ABLIM3: variants seen among roughly 807,000 people sequenced by gnomAD.
ABLIM3 encodes the protein actin-binding LIM protein 3.
In ABLIM3, 61 loss-of-function variants were observed where a neutral mutation model predicts 109.5. The ratio of observed to expected loss-of-function variants is 0.56; its 90% confidence interval spans 0.45 to 0.69. The LOEUF (loss-of-function observed/expected upper bound fraction) is 0.69, where lower values mean the gene tolerates loss of function less well. ABLIM3 is among the 30% of genes least tolerant of loss of function. ABLIM3 has a pLI of 0.00. For synonymous variants in ABLIM3, 300 were observed against 324.8 expected, an observed-to-expected ratio of 0.92 and a Z score of 0.82; for missense variants, 796 against 889.5, an observed-to-expected ratio of 0.89 and a Z score of 1.34.
At chr5:149,187,036 T>A (rs919035026) in intron 3 of ABLIM3, among the ~76,000 whole-genome samples, 10 of 151,986 alleles carry the variant, frequency 6.6e-5, no homozygotes, top group African/African-American at 2.2e-4. Context: ...GTTATACAGA[T>A]AATAGATCAA....
chr5:149,242,107 G>A (rs946543378), intron 14 of ABLIM3, among the ~76,000 whole-genome samples: 2 of 152,102 alleles, frequency 1.3e-5, no homozygotes, highest in Non-Finnish European at 2.9e-5. Flanking sequence ...GCTGAAATTC[G>A]GCTGCAGCAT....
At chr5:149,204,417 G>A (rs1288438112) in intron 5 of ABLIM3, among the ~76,000 whole-genome samples, 1 of 152,146 alleles carries the variant, frequency 6.6e-6, no homozygotes, top group Admixed American at 6.5e-5. Context: ...AGAGTGAAAG[G>A]AGGAAGAAGA....
chr5:149,152,752 C>T (rs558801735), intron 2 of ABLIM3, among the ~76,000 whole-genome samples: 32 of 152,258 alleles, frequency 2.1e-4, no homozygotes, highest in African/African-American at 7.0e-4. Flanking sequence ...ATCTAGTCAA[C>T]AGCATGAGCT....
At chr5:149,192,565 G>A (rs528139396) in intron 3 of ABLIM3, among the ~76,000 whole-genome samples, 1 of 149,622 alleles carries the variant, frequency 6.7e-6, no homozygotes, top group Non-Finnish European at 1.5e-5. Flanking sequence ...GGCAGAGCTT[G>A]CAGTGAGCCA....
Position 149,198,476 on chromosome 5 carries a change from A to C in ABLIM3, c.335+74A>C. On this transcript the variant is annotated intron_variant, in intron 4 of 23. Coordinates refer to ENST00000309868, the MANE Select transcript of ABLIM3 (RefSeq NM_014945.5). The surrounding 1 kb of genome is among the most constrained non-coding windows in gnomAD (Gnocchi z 4.2). ...GGCAGGGGAAGACCTGGCTTTTTCCAGGAAGTTCTGGGGTTTACAAGGTTT... is the reference window on the plus strand; with the variant it reads ...GGCAGGGGAAGACCTGGCTTTTTCCCGGAAGTTCTGGGGTTTACAAGGTTT... 1 of 1,481,504 alleles carries C rather than the reference A, an allele frequency of 6.7e-7. No individual in the cohort carries two copies. The highest frequency in any genetic ancestry group is 9.0e-7 in the Non-Finnish European group (1 of 1,114,966). The allele number at this position is 1,481,504 out of a possible 1,614,324, so 91.8% of individuals were successfully genotyped here.
At chr5:149,146,799 C>T (rs568339254) in intron 2 of ABLIM3, among the ~76,000 whole-genome samples, 13 of 152,208 alleles carry the variant, frequency 8.5e-5, no homozygotes, top group East Asian at 7.7e-4. Context: ...ATAATTTGGG[C>T]GCTTTTATGA....
chr5:149,216,875 A>G, intron 7 of ABLIM3, 84 bp from the exon 8 acceptor site: 1 of 1,218,900 alleles, frequency 8.2e-7, no homozygotes, highest in South Asian at 1.3e-5. Context: ...ACACTAATGT[A>G]CCCAGGAAAG....
chr5:149,250,380 G>C, intron 19 of ABLIM3, 67 bp from the exon 20 acceptor site: 5 of 1,543,872 alleles, frequency 3.2e-6, no homozygotes, highest in Non-Finnish European at 4.5e-6. Context: ...TTGGTAGCCA[G>C]ATGACCTCAG....
chr5:149,211,102 T>G (rs1462430500), intron 7 of ABLIM3, among the ~76,000 whole-genome samples: 1 of 152,174 alleles, frequency 6.6e-6, no homozygotes, highest in Admixed American at 6.5e-5. Flanking sequence ...AGAGTGACAT[T>G]AGGATTTTCC....
At chr5:149,151,137 C>G (rs947557548) in intron 2 of ABLIM3, among the ~76,000 whole-genome samples, 13 of 152,204 alleles carry the variant, frequency 8.5e-5, no homozygotes, top group Non-Finnish European at 1.6e-4. Flanking sequence ...TAGCAGGGTT[C>G]CTTCTGAAAG....
At chr5:149,248,255 T>A (rs1419948610) in intron 18 of ABLIM3, among the ~76,000 whole-genome samples, 3 of 152,214 alleles carry the variant, frequency 2.0e-5, no homozygotes, top group Non-Finnish European at 2.9e-5. Context: ...GCAATGCCCC[T>A]TCTGGGAGCT....
chr5:149,165,285 G>A (rs1026653353), intron 2 of ABLIM3, among the ~76,000 whole-genome samples: 1 of 152,154 alleles, frequency 6.6e-6, no homozygotes, highest in African/African-American at 2.4e-5. Flanking sequence ...AGCAAGAGTG[G>A]ATAAACTATG....
At chr5:149,233,324 A>G (rs754536572) in intron 10 of ABLIM3, 24 bp downstream of exon 10, 24 of 1,610,582 alleles carry the variant, frequency 1.5e-5, no homozygotes, top group South Asian at 1.1e-4. Flanking sequence ...TTCTACCACC[A>G]AAGGGCCTTC....
intron 3 of ABLIM3, among the ~76,000 whole-genome samples, chr5:149,187,308 A>G (rs1288116873): frequency 6.6e-6 from 1 of 152,240 alleles, no homozygotes; most frequent in African/African-American, 2.4e-5. Flanking sequence ...ACCTCAGATC[A>G]TCAAAGAGCC....
rs989062708 is a variant in ABLIM3 at position 149,260,493 on chromosome 5, G to A, written c.*2089G>A. 6.6e-6 allele frequency: 1 copy of A among 152,646 alleles called. No individual in the cohort carries two copies. The highest frequency in any genetic ancestry group is 6.5e-5 in the Admixed American group (1 of 15,290). 9.5% of individuals were successfully genotyped at this position (152,646 alleles called of 1,614,324 possible). A position where few individuals can be genotyped will look rare whatever the true frequency, so the allele number is the denominator to read the frequency against. ...GGAGTGGAAATGACTGACATGGGAA[G>A]AGGCTGAACCCTGCACATTTTTCAA... On this transcript the variant is annotated 3_prime_UTR_variant, in exon 24 of 24. Transcript: ENST00000309868.
intron 7 of ABLIM3, chr5:149,216,610 C>T (rs1462634635): frequency 4.2e-6 from 1 of 238,718 alleles, no homozygotes; most frequent in African/African-American, 2.2e-5. Flanking sequence ...GTGGTAAGGG[C>T]CTCTCACTTG....
chr5:149,168,572 G>A (rs1219626233), intron 2 of ABLIM3, among the ~76,000 whole-genome samples: 1 of 152,166 alleles, frequency 6.6e-6, no homozygotes, highest in South Asian at 2.1e-4. Context: ...TTCCTAAAAG[G>A]AACAACAACT....
chr5:149,190,109 G>T (rs1352803181), intron 3 of ABLIM3, among the ~76,000 whole-genome samples: 1 of 152,130 alleles, frequency 6.6e-6, no homozygotes, highest in African/African-American at 2.4e-5. Context: ...AGTCACAAAA[G>T]GCTACACATT....
At chr5:149,216,844 A>T in intron 7 of ABLIM3, 115 bp from the exon 8 acceptor site, 1 of 914,776 alleles carries the variant, frequency 1.1e-6, no homozygotes, top group Non-Finnish European at 1.7e-6. Context: ...AACCAACTTT[A>T]GGGCCATGAA....
Sources: gnomAD v4.1 joint callset for allele counts (sites outside exome capture counted in the v4.1 genomes callset) on GRCh38, gnomAD v4.1.1 for gene constraint, Gnocchi (gnomAD v3.1) non-coding constraint, MANE v1.5 for transcripts, NCBI Gene and HGNC (gene_info 2026-07-23, HGNC 2026-07-21) for gene names.